The following RASA1 variants were observed in gnomAD, a reference collection of about 807,000 sequenced individuals.
RASA1 encodes the protein RAS p21 protein activator 1.
A neutral mutation model predicts 132.2 loss-of-function variants in RASA1; 25 were observed. That is an observed-to-expected ratio of 0.19 (90% CI 0.14 to 0.26). The LOEUF is 0.26. RASA1 is among the 10% of genes least tolerant of loss of function. The probability of loss-of-function intolerance (pLI) is 1.00; values close to 1 mark genes in which losing one functional copy is unlikely to be tolerated. For synonymous variants in RASA1, 477 were observed against 449.9 expected, an observed-to-expected ratio of 1.06 and a Z score of -0.76; for missense variants, 964 against 1,299.2, an observed-to-expected ratio of 0.74 and a Z score of 3.97.
intron 5 of RASA1, among the ~76,000 whole-genome samples, chr5:87,339,220 A>G (rs1191708058): frequency 6.6e-6 from 1 of 152,150 alleles, no homozygotes; most frequent in East Asian, 1.9e-4. Flanking sequence ...TGGCAACCAA[A>G]TCTTGATCCA....
intron 5 of RASA1, 98 bp from the exon 6 acceptor site, chr5:87,341,192 G>A: frequency 3.3e-6 from 2 of 598,224 alleles, no homozygotes; most frequent in South Asian, 7.7e-5. Context: ...AATAAGGATA[G>A]TGTGGGGATA....
At chr5:87,301,552 AT>A (rs1404507905) in intron 1 of RASA1, among the ~76,000 whole-genome samples, 1 of 152,244 alleles carries the variant, frequency 6.6e-6, no homozygotes, top group East Asian at 1.9e-4. Context: ...ATCCTAGATT[AT>A]TTCTGACTTT....
At chr5:87,290,994 G>A in intron 1 of RASA1, among the ~76,000 whole-genome samples, 1 of 152,254 alleles carries the variant, frequency 6.6e-6, no homozygotes, top group East Asian at 1.9e-4. Flanking sequence ...TTGCTGGATA[G>A]TATAGTAAAA....
chr5:87,270,942 T>C (rs1753803344), intron 1 of RASA1, among the ~76,000 whole-genome samples: 1 of 151,938 alleles, frequency 6.6e-6, no homozygotes, highest in Non-Finnish European at 1.5e-5. Context: ...ATTCTGGGAG[T>C]GTTAATTCCA....
At chr5:87,315,335 G>A (rs962517111) in intron 1 of RASA1, among the ~76,000 whole-genome samples, 2 of 152,178 alleles carry the variant, frequency 1.3e-5, no homozygotes, top group Admixed American at 6.5e-5. Flanking sequence ...GTAGTCACAT[G>A]GTAAGAGGGC....
intron 1 of RASA1, among the ~76,000 whole-genome samples, chr5:87,305,054 T>C (rs1755547309): frequency 6.6e-6 from 1 of 151,938 alleles, no homozygotes; most frequent in Admixed American, 6.6e-5. Context: ...CATTAGATTC[T>C]AGATTCACAG....
intron 1 of RASA1, among the ~76,000 whole-genome samples, chr5:87,277,674 T>C (rs1323025945): frequency 2.6e-5 from 4 of 152,172 alleles, no homozygotes; most frequent in African/African-American, 7.2e-5. Flanking sequence ...GACTAATACA[T>C]GGGTAACTCT....
intron 1 of RASA1, among the ~76,000 whole-genome samples, chr5:87,309,421 A>G (rs539157946): frequency 1.3e-5 from 2 of 152,208 alleles, no homozygotes; most frequent in East Asian, 3.9e-4. Flanking sequence ...ATTGAGTGAC[A>G]TTTTTGTGCA....
Position 87,376,983 on chromosome 5 carries a change from G to A in RASA1, c.2287G>A (p.Glu763Lys), listed in dbSNP as rs764802465. ...ASILLRIFLHEKLESLLLCTL... is the reference protein window; with the variant it reads ...ASILLRIFLHKKLESLLLCTL... The stretch of plus-strand genomic sequence containing the variant: ...CATCCTACTGAGGATTTTTCTTCAC[G>A]AAAAGCTTGAATCGTTGTTGTTATG... The change falls in exon 17 of 25, where the codon GAA becomes AAA. Residue 763 changes from glutamate to lysine, a missense_variant. Physicochemically the swap from Glu to Lys is moderately conservative, Grantham distance 56. Coordinates refer to ENST00000274376, the MANE Select transcript of RASA1 (RefSeq NM_002890.3). 29 of 1,613,616 alleles carry A rather than the reference G, an allele frequency of 1.8e-5. No individual in the cohort carries two copies. The highest frequency in any genetic ancestry group is 1.7e-4 in the Middle Eastern group (1 of 6,054).
intron 10 of RASA1, 28 bp downstream of exon 10, chr5:87,362,699 A>T (rs747337233): frequency 3.1e-6 from 5 of 1,594,230 alleles, no homozygotes. Context: ...TCATTAACCC[A>T]TTTGATAGAG....
intron 20 of RASA1, among the ~76,000 whole-genome samples, chr5:87,382,599 A>C (rs923551709): frequency 1.3e-5 from 2 of 152,174 alleles, no homozygotes; most frequent in African/African-American, 4.8e-5. Flanking sequence ...ACATGACAAC[A>C]TATCCTCCCT....
intron 12 of RASA1, among the ~76,000 whole-genome samples, chr5:87,371,756 C>T (rs1232831800): frequency 6.6e-6 from 1 of 152,068 alleles, no homozygotes; most frequent in Non-Finnish European, 1.5e-5. Flanking sequence ...AAGCTTGCCT[C>T]AAGTATAACA....
At position 87,338,534 on chromosome 5, in the gene RASA1, A is replaced by ATATATATATATATATATAT. The variant is rs1561292504; in HGVS notation, c.1017+443_1017+444insTATATATATATATATATAT. On this transcript the variant is annotated intron_variant, in intron 5 of 24. Coordinates refer to ENST00000274376, the MANE Select transcript of RASA1 (RefSeq NM_002890.3). The stretch of plus-strand genomic sequence containing the variant: ...ATATATATATATATATATATATATA[A>ATATATATATATATATATAT]AATTTTTTTTTTTTTTAAGTAGAAA... Among the ~76,000 whole-genome samples the ATATATATATATATATATAT allele has an allele frequency of 7.8e-4, 36 of 46,080 alleles. 2 individuals are homozygous for ATATATATATATATATATAT. Among genetic ancestry groups the ATATATATATATATATATAT allele is most frequent in the Non-Finnish European group, 1.1e-3 (24 of 21,386 alleles). The allele number at this position is 46,080 out of a possible 152,430, so 30.2% of individuals were successfully genotyped here.
intron 23 of RASA1, 118 bp downstream of exon 23, chr5:87,387,021 C>G: frequency 1.0e-6 from 1 of 981,962 alleles, no homozygotes; most frequent in Non-Finnish European, 1.5e-6. Context: ...AGACAAAAAG[C>G]CTGCAAATTT....
At chr5:87,390,621 G>A (rs1184409354) in intron 24 of RASA1, among the ~76,000 whole-genome samples, 179 bp from the exon 25 acceptor site, 1 of 152,102 alleles carries the variant, frequency 6.6e-6, no homozygotes, top group Non-Finnish European at 1.5e-5. Context: ...AATTCTCTTA[G>A]TTATGACCAG....
chr5:87,380,628 T>C (rs1353246903), intron 20 of RASA1, 33 bp downstream of exon 20: 3 of 1,513,148 alleles, frequency 2.0e-6, no homozygotes, highest in Non-Finnish European at 2.8e-6. Context: ...TTAAATCACA[T>C]ACTAATAGGT....
chr5:87,287,715 ATAGATATACCATTATGTACACG>A (rs1754703309), intron 1 of RASA1, among the ~76,000 whole-genome samples: 2 of 80,232 alleles, frequency 2.5e-5, no homozygotes, highest in African/African-American at 4.7e-5. Flanking sequence ...TGTACACGCC[ATAGATATACCATTATGTACACG>A]CCATAGATAT....
In RASA1 at chr5:87,385,322, CA is replaced by C; in HGVS notation, c.2782del (p.Arg928GlufsTer3). 6.2e-7 allele frequency: 1 copy of C among 1,610,672 alleles called. No individual in the cohort carries two copies. Among genetic ancestry groups the C allele is most frequent in the Non-Finnish European group, 8.5e-7 (1 of 1,177,216 alleles). On this transcript the variant is annotated frameshift_variant, in exon 22 of 25. Coordinates refer to ENST00000274376, the MANE Select transcript of RASA1 (RefSeq NM_002890.3). LOFTEE classifies it high-confidence loss of function. ...ACAGATTCTCCATCTCCTATTGCTG[CA>C]AGAACACTGATATTAGTGGCTAAAT... ...IISDSPSPIAARTLILVAKSV... is the reference protein window; with the variant it reads ...IISDSPSPIAXRTLILVAKSV...
At chr5:87,304,939 C>CTTTT (rs756572506) in intron 1 of RASA1, among the ~76,000 whole-genome samples, 11 of 64,390 alleles carry the variant, frequency 1.7e-4, no homozygotes, top group Non-Finnish European at 3.6e-4. Context: ...TCTTTTAGTC[C>CTTTT]TTTTTTTTTT....
Sources: gnomAD v4.1 joint callset for allele counts (sites outside exome capture counted in the v4.1 genomes callset) on GRCh38, gnomAD v4.1.1 for gene constraint, MANE v1.5 for transcripts, NCBI Gene and HGNC (gene_info 2026-07-23, HGNC 2026-07-21) for gene names.